Variants in DMD observed in about 807,000 individuals in gnomAD.
DMD encodes the protein mutant dystrophin.
DMD carries 63 observed loss-of-function variants against 330.1 expected under a neutral mutation model. That is an observed-to-expected ratio of 0.19 (90% CI 0.16 to 0.24). The LOEUF is 0.24. DMD is among the 10% of genes least tolerant of loss of function. DMD has a pLI of 1.00. For synonymous variants in DMD, 1,223 were observed against 959.8 expected (o/e 1.27, Z -5.07); for missense variants, 3,344 against 2,684.1 (o/e 1.25, Z -5.43).
At chrX:31,691,116 A>G (rs2083093116) in intron 52 of DMD, among the ~76,000 whole-genome samples, 1 of 111,296 alleles carries the variant, frequency 9.0e-6, no homozygotes, top group African/African-American at 3.3e-5. Context: ...TTAAAGTATA[A>G]TTAAAAAAAA....
intron 44 of DMD, among the ~76,000 whole-genome samples, chrX:31,969,477 T>C: frequency 9.0e-6 from 1 of 111,448 alleles, no homozygotes; most frequent in African/African-American, 3.2e-5. Context: ...AATCCTTATG[T>C]CACTGACAGA....
chrX:31,723,715 T>G (rs986796831), intron 52 of DMD, among the ~76,000 whole-genome samples: 3 of 107,023 alleles, frequency 2.8e-5, no homozygotes, highest in African/African-American at 1.0e-4. Flanking sequence ...ACAGGTCTAA[T>G]TATGTATTCT....
chrX:31,777,876 C>A (rs1319524147), intron 50 of DMD, among the ~76,000 whole-genome samples: 1 of 111,812 alleles, frequency 8.9e-6, no homozygotes, highest in East Asian at 2.8e-4. Flanking sequence ...ATTGGCTCCT[C>A]ATGTTCTACA....
chrX:31,764,184 A>G (rs1019682738), intron 51 of DMD, among the ~76,000 whole-genome samples: 1 of 111,788 alleles, frequency 8.9e-6, no homozygotes. Context: ...CCTCATTTTC[A>G]TTTAGAAAAC....
chrX:33,135,661 C>A (rs1205305160), intron 1 of DMD, among the ~76,000 whole-genome samples: 2 of 111,791 alleles, frequency 1.8e-5, no homozygotes, highest in Non-Finnish European at 3.8e-5. Flanking sequence ...GGCTCTGGAG[C>A]CTGAATGCCT....
chrX:32,436,413 G>A (rs1372507529), intron 29 of DMD, among the ~76,000 whole-genome samples: 1 of 111,532 alleles, frequency 9.0e-6, no homozygotes, highest in Non-Finnish European at 1.9e-5. Context: ...TTATTCAAAA[G>A]TTTATGCTTT....
At chrX:32,364,853 C>T (rs746220640) in intron 35 of DMD, 143 bp from the exon 36 acceptor site, 13 of 743,140 alleles carry the variant, frequency 1.7e-5, no homozygotes, top group African/African-American at 8.8e-5. Flanking sequence ...TAGAATATTG[C>T]GTAAATATAA....
chrX:32,616,265 T>G (rs2057557067), intron 11 of DMD, among the ~76,000 whole-genome samples: 3 of 111,316 alleles, frequency 2.7e-5, no homozygotes, highest in Non-Finnish European at 5.7e-5. Context: ...ACACTGTTTT[T>G]TAATAAGAAA....
chrX:32,807,122 TAAAAA>T (rs999286386), intron 7 of DMD, among the ~76,000 whole-genome samples: 8 of 20,741 alleles, frequency 3.9e-4, no homozygotes, highest in African/African-American at 1.5e-3. Context: ...CGGAAACATT[TAAAAA>T]AAAAAAAAAA....
chrX:31,325,809 T>G (rs928125895), intron 61 of DMD, among the ~76,000 whole-genome samples: 3 of 111,531 alleles, frequency 2.7e-5, no homozygotes, highest in Non-Finnish European at 5.7e-5. Flanking sequence ...AGAAGAGAAC[T>G]CCAGAGAGCT....
intron 44 of DMD, among the ~76,000 whole-genome samples, chrX:32,027,145 C>G (rs1411018640): frequency 3.8e-5 from 3 of 79,941 alleles, no homozygotes; most frequent in African/African-American, 5.1e-5. Context: ...AGTATTATGA[C>G]ACACACACAC....
intron 42 of DMD, among the ~76,000 whole-genome samples, chrX:32,307,663 T>A (rs2097545677): frequency 1.8e-5 from 2 of 111,753 alleles, no homozygotes; most frequent in South Asian, 7.3e-4. Context: ...GCTTTTAGGA[T>A]AAGCTTTCAA....
intron 60 of DMD, among the ~76,000 whole-genome samples, chrX:31,362,017 C>T (rs970863596): frequency 8.0e-5 from 9 of 111,973 alleles, no homozygotes; most frequent in Admixed American, 2.8e-4. Context: ...AACCATTTCA[C>T]GGTTGTTTGC....
At chrX:31,676,213 A>AG (rs2148714739) in intron 53 of DMD, among the ~76,000 whole-genome samples, 1 of 112,099 alleles carries the variant, frequency 8.9e-6, no homozygotes, top group East Asian at 2.8e-4. Context: ...TTACGGAGCA[A>AG]GGGGGTGTTG....
intron 7 of DMD, among the ~76,000 whole-genome samples, chrX:32,785,223 G>T (rs1394843320): frequency 2.8e-5 from 3 of 108,554 alleles, no homozygotes; most frequent in Non-Finnish European, 5.8e-5. Flanking sequence ...AAACCTTTTA[G>T]ACTAGTCTAT....
At chrX:32,680,790 C>T (rs1430447787) in intron 9 of DMD, among the ~76,000 whole-genome samples, 1 of 109,023 alleles carries the variant, frequency 9.2e-6, no homozygotes, top group Non-Finnish European at 1.9e-5. Flanking sequence ...CCTTTCTCCC[C>T]AGCACACACA....
intron 2 of DMD, among the ~76,000 whole-genome samples, chrX:32,963,081 C>A (rs73188351): frequency 2.7e-5 from 3 of 111,193 alleles, no homozygotes; most frequent in Non-Finnish European, 5.7e-5. Context: ...CTCTATTCAA[C>A]GAAATTTATA....
At chrX:32,654,896 AATTTATCC>A (rs1452525531) in intron 9 of DMD, among the ~76,000 whole-genome samples, 1 of 111,518 alleles carries the variant, frequency 9.0e-6, no homozygotes, top group Non-Finnish European at 1.9e-5. Context: ...TGTGTCCACG[AATTTATCC>A]ATTCCTTCTA....
chrX:31,187,578 G>A (rs148281356), intron 67 of DMD, among the ~76,000 whole-genome samples: 1,486 of 111,169 alleles, frequency 0.013, 31 homozygotes, highest in African/African-American at 0.046. Flanking sequence ...AATGCTTCAC[G>A]AGAAGGTCAA....
Sources: allele counts gnomAD v4.1 joint callset (sites outside exome capture counted in the v4.1 genomes callset), GRCh38; gene constraint gnomAD v4.1.1; transcripts MANE v1.5; gene names NCBI Gene and HGNC (gene_info 2026-07-23, HGNC 2026-07-21).